BICRAL: variants seen among roughly 807,000 people sequenced by gnomAD.
BICRAL encodes BRD4-interacting chromatin-remodeling complex-associated protein-like.
BICRAL carries 8 observed loss-of-function variants against 91.8 expected under a neutral mutation model. The ratio of observed to expected loss-of-function variants is 0.09; its 90% confidence interval spans 0.05 to 0.16. The LOEUF is 0.16. BICRAL is among the 10% of genes least tolerant of loss of function. BICRAL has a pLI of 1.00. For synonymous variants in BICRAL, 445 were observed against 491.1 expected (o/e 0.91, Z 1.24); for missense variants, 1,038 against 1,310.9 (o/e 0.79, Z 3.21).
intron 2 of BICRAL, among the ~76,000 whole-genome samples, chr6:42,813,782 A>G (rs750963410): frequency 4.6e-5 from 7 of 152,054 alleles, no homozygotes; most frequent in African/African-American, 1.7e-4. Context: ...CAGCCTCCCA[A>G]AGTGCTAGGA....
At chr6:42,754,741 TA>T (rs1179178239) in intron 1 of BICRAL, among the ~76,000 whole-genome samples, 1 of 151,976 alleles carries the variant, frequency 6.6e-6, no homozygotes, top group Admixed American at 6.6e-5. Flanking sequence ...AAAAATGTTT[TA>T]AAAAATTGTC....
At chr6:42,844,276 G>A (rs573502789) in intron 6 of BICRAL, among the ~76,000 whole-genome samples, 35 of 150,042 alleles carry the variant, frequency 2.3e-4, no homozygotes, top group African/African-American at 8.0e-4. Flanking sequence ...CTGGGAGGCC[G>A]AGGCAGGCGG....
chr6:42,828,140 G>A (rs946886254), intron 5 of BICRAL, among the ~76,000 whole-genome samples: 4 of 152,012 alleles, frequency 2.6e-5, no homozygotes, highest in Non-Finnish European at 4.4e-5. Context: ...TTGGCCAGGC[G>A]CGGTGGCTCA....
chr6:42,852,471 G>A (rs537996587), intron 7 of BICRAL: 29 of 550,390 alleles, frequency 5.3e-5, no homozygotes, highest in East Asian at 1.7e-4. Context: ...AGACCAGCCC[G>A]ACCAACATGA....
intron 6 of BICRAL, among the ~76,000 whole-genome samples, chr6:42,839,379 A>G (rs1210359059): frequency 6.6e-6 from 1 of 152,006 alleles, no homozygotes; most frequent in African/African-American, 2.4e-5. Context: ...CCTGGGGTCA[A>G]GCGATCTTCC....
intron 1 of BICRAL, among the ~76,000 whole-genome samples, chr6:42,789,558 C>T (rs1763206727): frequency 6.6e-6 from 1 of 151,168 alleles, no homozygotes; most frequent in African/African-American, 2.4e-5. Flanking sequence ...ATGAGAATTG[C>T]TTGAACCTGG....
intron 1 of BICRAL, among the ~76,000 whole-genome samples, chr6:42,805,332 G>A (rs961001501): frequency 3.3e-5 from 5 of 152,138 alleles, no homozygotes; most frequent in African/African-American, 4.8e-5. Context: ...GAGGGCAGGG[G>A]AAATAGTGGA....
At chr6:42,754,174 CTTT>C (rs879358224) in intron 1 of BICRAL, among the ~76,000 whole-genome samples, 2 of 142,330 alleles carry the variant, frequency 1.4e-5, no homozygotes, top group African/African-American at 2.6e-5. Flanking sequence ...CATACAGAAA[CTTT>C]TTTTTTTTTT....
rs375642254 is a variant in BICRAL, at chr6:42,853,680, C to A, written c.1988C>A (p.Thr663Asn). 1.2e-6 allele frequency: 2 copies of A among 1,613,988 alleles called. No homozygotes were observed. Among genetic ancestry groups the A allele is most frequent in the Non-Finnish European group, 1.7e-6 (2 of 1,179,940 alleles). The stretch of plus-strand genomic sequence containing the variant: ...AAAGTTATATCCGCATCCTTAGGAA[C>A]CGCACAACCACAGCAGGAAAAAGTA... ...GSKVISASLGTAQPQQEKVVG... is the reference protein window; with the variant it reads ...GSKVISASLGNAQPQQEKVVG... The change falls in exon 8 of 13, where the codon ACC (threonine) becomes AAC (asparagine). Residue 663 changes from threonine to asparagine, a missense_variant. Transcript: ENST00000314073.
chr6:42,851,151 C>T (rs1765164964), intron 6 of BICRAL, among the ~76,000 whole-genome samples: 1 of 152,128 alleles, frequency 6.6e-6, no homozygotes. Context: ...TGCCACTGCA[C>T]TCCAGCCTGG....
At chr6:42,852,999 AG>A (rs1190922224) in intron 7 of BICRAL, among the ~76,000 whole-genome samples, 12 of 147,528 alleles carry the variant, frequency 8.1e-5, no homozygotes, top group Admixed American at 2.1e-4. Context: ...TGGGAGGTCG[AG>A]GCTGCAGTGA....
At chr6:42,814,499 G>GTATATATATATATA (rs1554278814) in intron 2 of BICRAL, among the ~76,000 whole-genome samples, 2 of 61,280 alleles carry the variant, frequency 3.3e-5, no homozygotes, top group African/African-American at 1.6e-4. Flanking sequence ...GTGTGTGTGT[G>GTATATATATATATA]TATATATATA....
At chr6:42,848,859 G>A (rs534964894) in intron 6 of BICRAL, among the ~76,000 whole-genome samples, 83 of 152,208 alleles carry the variant, frequency 5.5e-4, no homozygotes, top group African/African-American at 1.9e-3. Flanking sequence ...TTATAAAGCA[G>A]GTACTCACGG....
chr6:42,799,540 A>G (rs936506269), intron 1 of BICRAL, among the ~76,000 whole-genome samples: 1 of 149,718 alleles, frequency 6.7e-6, no homozygotes, highest in East Asian at 2.1e-4. Context: ...GTGATCCATG[A>G]GCCTCAGCCT....
intron 8 of BICRAL, among the ~76,000 whole-genome samples, chr6:42,854,044 C>T (rs1001927996): frequency 4.6e-5 from 7 of 152,208 alleles, no homozygotes; most frequent in Non-Finnish European, 8.8e-5. Flanking sequence ...ATGTCATTTA[C>T]TACTAGGTGA....
At chr6:42,840,656 A>G (rs1582862677) in intron 6 of BICRAL, among the ~76,000 whole-genome samples, 2 of 151,208 alleles carry the variant, frequency 1.3e-5, no homozygotes, top group Non-Finnish European at 3.0e-5. Flanking sequence ...CTGCCTCAGC[A>G]CCCCCTAGTA....
intron 6 of BICRAL, among the ~76,000 whole-genome samples, chr6:42,843,391 G>A (rs539224345): frequency 4.1e-4 from 62 of 152,266 alleles, no homozygotes; most frequent in African/African-American, 1.4e-3. Context: ...TAGGTGAGGC[G>A]AGTAGGGTGT....
intron 1 of BICRAL, among the ~76,000 whole-genome samples, chr6:42,784,489 C>T (rs993831142): frequency 9.2e-5 from 14 of 152,074 alleles, no homozygotes; most frequent in African/African-American, 3.4e-4. Flanking sequence ...TGTTTTAGAC[C>T]ATTTAATGAG....
chr6:42,747,795 G>GTTT (rs1343500976), intron 1 of BICRAL, among the ~76,000 whole-genome samples: 3 of 141,084 alleles, frequency 2.1e-5, no homozygotes. Context: ...TTGCTTTTTT[G>GTTT]TTTTATTTTG....
Sources: allele counts gnomAD v4.1 joint callset (sites outside exome capture counted in the v4.1 genomes callset), GRCh38; gene constraint gnomAD v4.1.1; transcripts MANE v1.5; gene names NCBI Gene and HGNC (gene_info 2026-07-23, HGNC 2026-07-21).